Variants in MTHFD2L observed in about 807,000 individuals in gnomAD.
The protein encoded by MTHFD2L is methylenetetrahydrofolate dehydrogenase (NADP+ dependent) 2 like.
MTHFD2L carries 29 observed loss-of-function variants against 34.9 expected under a neutral mutation model. The observed-to-expected ratio is 0.83, with a 90% CI of 0.62 to 1.13. The LOEUF (loss-of-function observed/expected upper bound fraction) is 1.13. Among genes scored for constraint, MTHFD2L ranks in the 50% most tolerant of loss-of-function variants. The pLI is 0.00. For synonymous variants in MTHFD2L, 167 were observed against 155.7 expected, an observed-to-expected ratio of 1.07 and a Z score of -0.54; for missense variants, 481 against 446.5, an observed-to-expected ratio of 1.08 and a Z score of -0.70.
intron 3 of MTHFD2L, among the ~76,000 whole-genome samples, chr4:74,180,184 T>C (rs937806996): frequency 2.6e-5 from 4 of 152,178 alleles, no homozygotes; most frequent in Non-Finnish European, 5.9e-5. Context: ...AATAGTTTAT[T>C]AACTATTCTC....
upstream of MTHFD2L, chr4:74,158,082 C>G: frequency 1.3e-6 from 2 of 1,532,102 alleles, no homozygotes. Context: ...CCTCCAGCCG[C>G]GAGGACTGGA....
In MTHFD2L at chr4:74,174,527, A is replaced by G. The variant is rs570508740; in HGVS notation, c.165A>G (p.Ser55=). 2.4e-4 allele frequency: 378 copies of G among 1,562,980 alleles called. 1 individual carries two copies. The South Asian group carries it at 4.2e-3, about 17-fold the overall frequency. Reference sequence around the variant, plus strand: ...ACAGACATGAAGCCATTATTATATCAGGAACCGAAATGGCCAAGCATATCC... The same window carrying G: ...ACAGACATGAAGCCATTATTATATCGGGAACCGAAATGGCCAAGCATATCC... The part of the protein sequence containing the change: ...SGVRHEAIII[S]GTEMAKHIQK... Residue 55 remains serine, a synonymous_variant, in exon 2 of 8, where the codon TCA becomes TCG. Coordinates refer to ENST00000325278, the MANE Select transcript of MTHFD2L (RefSeq NM_001144978.3).
At chr4:74,245,170 G>A (rs1380903286) in intron 6 of MTHFD2L, among the ~76,000 whole-genome samples, 1 of 133,644 alleles carries the variant, frequency 7.5e-6, no homozygotes, top group Admixed American at 8.0e-5. Context: ...ACTTTAGCCC[G>A]GGCAACAGAG....
At chr4:74,296,799 T>G (rs543517464) in intron 7 of MTHFD2L, among the ~76,000 whole-genome samples, 11 of 152,078 alleles carry the variant, frequency 7.2e-5, no homozygotes, top group African/African-American at 1.2e-4. Flanking sequence ...CTATGCTCTA[T>G]GAATGCAAAT....
chr4:74,198,581 T>C (rs1428973975), intron 3 of MTHFD2L, among the ~76,000 whole-genome samples: 1 of 152,144 alleles, frequency 6.6e-6, no homozygotes, highest in Non-Finnish European at 1.5e-5. Flanking sequence ...AAATGACTTA[T>C]CATCATCATC....
chr4:74,292,756 G>A (rs1398124549), intron 7 of MTHFD2L, among the ~76,000 whole-genome samples: 12 of 152,152 alleles, frequency 7.9e-5, no homozygotes, highest in Admixed American at 7.9e-4. Context: ...AATGACAGCT[G>A]ACAGCATCCA....
At chr4:74,233,405 T>C (rs1740379392) in intron 6 of MTHFD2L, among the ~76,000 whole-genome samples, 1 of 152,142 alleles carries the variant, frequency 6.6e-6, no homozygotes. Flanking sequence ...CTCTGGGCTT[T>C]ATTTTCAGCT....
At chr4:74,143,435 A>G (rs1723399593) in intron 1 of MTHFD2L, 3 of 985,334 alleles carry the variant, frequency 3.0e-6, no homozygotes, top group Non-Finnish European at 2.4e-6. Context: ...CATTACTCCA[A>G]TTTTCACGCT....
chr4:74,143,762 A>G (rs890207572), intron 1 of MTHFD2L, among the ~76,000 whole-genome samples: 2 of 152,192 alleles, frequency 1.3e-5, no homozygotes, highest in African/African-American at 2.4e-5. Flanking sequence ...AAAAATTTTG[A>G]GCCCTAGAAG....
chr4:74,281,323 A>ATGTGTGTGTGTG, intron 6 of MTHFD2L, 102 bp from the exon 7 acceptor site: 2 of 692,402 alleles, frequency 2.9e-6, no homozygotes, highest in Admixed American at 4.9e-5. Context: ...TATTACACAT[A>ATGTGTGTGTGTG]CGTGTGTGTG....
chr4:74,139,565 T>C (rs1334095602), intron 1 of MTHFD2L, among the ~76,000 whole-genome samples: 2 of 152,002 alleles, frequency 1.3e-5, no homozygotes, highest in Admixed American at 1.3e-4. Context: ...TTCCCATGAG[T>C]TGGGGGAAAT....
chr4:74,190,394 A>G, intron 3 of MTHFD2L: 1 of 829,586 alleles, frequency 1.2e-6, no homozygotes, highest in African/African-American at 1.8e-5. Flanking sequence ...ATTAATTTTT[A>G]TTTTTTATTT....
chr4:74,157,948 G>C (rs1724464383), upstream of MTHFD2L: 6 of 899,528 alleles, frequency 6.7e-6, no homozygotes, highest in South Asian at 1.4e-5. Context: ...CTGCGGACCC[G>C]GCACTCTGTC....
chr4:74,193,259 A>T (rs1051632287), intron 3 of MTHFD2L, among the ~76,000 whole-genome samples: 6 of 152,146 alleles, frequency 3.9e-5, no homozygotes, highest in African/African-American at 1.4e-4. Context: ...TGGCATTCAC[A>T]TTCTATAAGT....
chr4:74,227,880 A>G (rs1261005696), intron 6 of MTHFD2L, among the ~76,000 whole-genome samples: 1 of 152,172 alleles, frequency 6.6e-6, no homozygotes, highest in Non-Finnish European at 1.5e-5. Flanking sequence ...TTGCAATTTC[A>G]TTTAATGGGT....
At chr4:74,280,018 G>T (rs564725261) in intron 6 of MTHFD2L, among the ~76,000 whole-genome samples, 1 of 152,056 alleles carries the variant, frequency 6.6e-6, no homozygotes, top group Admixed American at 6.6e-5. Context: ...GATAGTACAG[G>T]TGCTAGAATG....
chr4:74,186,458 AAC>A (rs1553904793), intron 3 of MTHFD2L, among the ~76,000 whole-genome samples: 1 of 150,820 alleles, frequency 6.6e-6, no homozygotes, highest in East Asian at 1.9e-4. Context: ...AAAAAAAAAA[AAC>A]AGCTACTAGT....
At position 74,140,517 on chromosome 4, in the gene MTHFD2L, C is replaced by T. The variant is rs148529436; in HGVS notation, c.-297+15000C>T. On this transcript the variant is annotated intron_variant, in intron 1 of 7. Transcript: ENST00000433372. Reference sequence around the variant, plus strand: ...AATTTTCTCAATTATATATTTTTCACTTTGTGCACACCTTTTTCATGTTGT... The same window carrying T: ...AATTTTCTCAATTATATATTTTTCATTTTGTGCACACCTTTTTCATGTTGT... The T allele has an allele frequency of 6.4e-4, 619 of 962,082 alleles. 7 individuals carry two copies. In the East Asian group the frequency reaches 0.042, roughly 66 times the overall value. 59.6% of individuals were successfully genotyped at this position (962,082 alleles called of 1,614,324 possible). A position where few individuals can be genotyped will look rare whatever the true frequency, so the allele number is the denominator to read the frequency against.
chr4:74,147,960 T>G (rs1174477502), intron 1 of MTHFD2L, among the ~76,000 whole-genome samples: 3 of 152,182 alleles, frequency 2.0e-5, no homozygotes, highest in African/African-American at 7.2e-5. Context: ...TTCTCTTGAT[T>G]GCTTTTTCAC....
Sources: allele counts gnomAD v4.1 joint callset (sites outside exome capture counted in the v4.1 genomes callset), GRCh38; gene constraint gnomAD v4.1.1; transcripts MANE v1.5; gene names NCBI Gene and HGNC (gene_info 2026-07-23, HGNC 2026-07-21).